GRID2: variants seen among roughly 807,000 people sequenced by gnomAD.
The protein encoded by GRID2 is glutamate receptor ionotropic, delta-2.
GRID2 carries 33 observed loss-of-function variants against 114.8 expected under a neutral mutation model. The observed-to-expected ratio is 0.29, with a 90% confidence interval of 0.22 to 0.38. The LOEUF is 0.38. GRID2 is among the 10% of genes least tolerant of loss of function. The pLI, the probability that GRID2 is intolerant of heterozygous loss-of-function variation, is 1.00. For missense variants in GRID2, 1,184 were observed against 1,257.7 expected, an observed-to-expected ratio of 0.94 and a Z score of 0.89; for synonymous variants, 505 against 449.9, an observed-to-expected ratio of 1.12 and a Z score of -1.55.
chr4:92,566,916 A>G (rs2149187917), intron 1 of GRID2, among the ~76,000 whole-genome samples: 1 of 151,970 alleles, frequency 6.6e-6, no homozygotes, highest in East Asian at 1.9e-4. Context: ...TGAATCTTAT[A>G]TCCCCGTTTC....
At chr4:93,074,802 GA>G (rs922595804) in intron 2 of GRID2, among the ~76,000 whole-genome samples, 42 of 152,256 alleles carry the variant, frequency 2.8e-4, no homozygotes, top group African/African-American at 9.9e-4. Flanking sequence ...CGTATAAAGA[GA>G]GCTGACATCA....
chr4:92,449,124 C>A (rs1027401761), intron 1 of GRID2, among the ~76,000 whole-genome samples: 7 of 152,022 alleles, frequency 4.6e-5, no homozygotes, highest in African/African-American at 9.7e-5. Context: ...ATGGCTTACT[C>A]TTGGGTTTTG....
chr4:93,005,141 G>GA (rs1721378155), intron 2 of GRID2, among the ~76,000 whole-genome samples: 1 of 152,062 alleles, frequency 6.6e-6, no homozygotes, highest in Non-Finnish European at 1.5e-5. Flanking sequence ...AGAATAGACA[G>GA]AATAGACAGT....
At chr4:93,307,972 C>T (rs1450450427) in intron 8 of GRID2, among the ~76,000 whole-genome samples, 5 of 151,286 alleles carry the variant, frequency 3.3e-5, no homozygotes, top group Admixed American at 1.3e-4. Context: ...TTACCAGAGG[C>T]CTGTTCATAT....
intron 2 of GRID2, among the ~76,000 whole-genome samples, chr4:92,880,387 AT>A (rs1048885128): frequency 1.6e-4 from 25 of 152,068 alleles, no homozygotes; most frequent in Non-Finnish European, 2.1e-4. Context: ...AGTCCATAAT[AT>A]TTTTTTTCTC....
chr4:92,938,576 T>A lies in GRID2; in HGVS notation c.245-146419T>A, dbSNP rs546767710. 1.0e-4 allele frequency among the ~76,000 whole-genome samples: 15 copies of A among 146,802 alleles called. 2 individuals carry two copies. The highest frequency in any genetic ancestry group is 1.5e-4 in the African/African-American group (6 of 41,290). ...ATTAATGTCAATATTTCTTTTTTTTTATTATACTTTAAGTTTTAGGGTACA... is the reference window on the plus strand; with the variant it reads ...ATTAATGTCAATATTTCTTTTTTTTAATTATACTTTAAGTTTTAGGGTACA... On this transcript the variant is annotated intron_variant, in intron 2 of 15. Coordinates refer to ENST00000282020, the MANE Select transcript of GRID2 (RefSeq NM_001510.4).
At chr4:92,884,130 A>G (rs914634980) in intron 2 of GRID2, among the ~76,000 whole-genome samples, 1 of 152,226 alleles carries the variant, frequency 6.6e-6, no homozygotes, top group Non-Finnish European at 1.5e-5. Context: ...CAGCTTCTAC[A>G]TCAGCACCTG....
intron 11 of GRID2, among the ~76,000 whole-genome samples, chr4:93,489,745 T>C (rs1371316724): frequency 6.6e-6 from 1 of 151,924 alleles, no homozygotes; most frequent in Non-Finnish European, 1.5e-5. Context: ...ATTTTTGGTC[T>C]AAGAAATAAA....
At chr4:92,899,802 A>G (rs1747440817) in intron 2 of GRID2, among the ~76,000 whole-genome samples, 1 of 152,220 alleles carries the variant, frequency 6.6e-6, no homozygotes, top group Non-Finnish European at 1.5e-5. Flanking sequence ...GAACAATAAT[A>G]GCAATAAACA....
chr4:92,709,331 A>T (rs1009181204), intron 2 of GRID2, among the ~76,000 whole-genome samples: 1 of 152,050 alleles, frequency 6.6e-6, no homozygotes, highest in Non-Finnish European at 1.5e-5. Flanking sequence ...ATTTAATAAC[A>T]ACATTCTGCC....
intron 2 of GRID2, among the ~76,000 whole-genome samples, chr4:92,792,467 A>G (rs1202612081): frequency 1.4e-5 from 2 of 143,670 alleles, no homozygotes; most frequent in Non-Finnish European, 3.1e-5. Context: ...ACACACACAC[A>G]CACACACACA....
At chr4:93,754,777 T>A (rs1308152544) in intron 14 of GRID2, among the ~76,000 whole-genome samples, 2 of 152,204 alleles carry the variant, frequency 1.3e-5, no homozygotes, top group African/African-American at 4.8e-5. Context: ...TCATAAAGGT[T>A]TAAAACAGAT....
intron 8 of GRID2, among the ~76,000 whole-genome samples, chr4:93,270,476 A>G (rs565857128): frequency 5.9e-5 from 9 of 152,316 alleles, no homozygotes; most frequent in African/African-American, 1.9e-4. Context: ...TTTGGAGAAG[A>G]CTTCTCTGTA....
chr4:93,743,446 G>A (rs1426072119), intron 14 of GRID2, among the ~76,000 whole-genome samples: 1 of 152,116 alleles, frequency 6.6e-6, no homozygotes, highest in Non-Finnish European at 1.5e-5. Flanking sequence ...GTTTTGCTTT[G>A]CTATAAAGAA....
intron 2 of GRID2, among the ~76,000 whole-genome samples, chr4:92,688,559 T>G (rs1349959128): frequency 6.6e-6 from 1 of 152,224 alleles, no homozygotes; most frequent in Non-Finnish European, 1.5e-5. Context: ...AACCATTGTT[T>G]CCTTTTTTTG....
In GRID2 at chr4:93,773,599, C is replaced by A. The variant is rs1025973682; in HGVS notation, c.*1101C>A. The A allele has an allele frequency of 3.3e-5, 5 of 152,044 alleles. No homozygotes were observed. The highest frequency in any genetic ancestry group is 6.5e-5 in the Admixed American group (1 of 15,272). 9.4% of individuals were successfully genotyped at this position (152,044 alleles called of 1,614,324 possible). ...GCTATTAGCTGAACCACATCCACAACAGCACATAGAGCTCTAGAAGAGTTG... is the reference window on the plus strand; with the variant it reads ...GCTATTAGCTGAACCACATCCACAAAAGCACATAGAGCTCTAGAAGAGTTG... On this transcript the variant is annotated 3_prime_UTR_variant, in exon 16 of 16. Transcript: ENST00000282020.
At chr4:92,530,003 T>C (rs897975577) in intron 1 of GRID2, among the ~76,000 whole-genome samples, 2 of 151,490 alleles carry the variant, frequency 1.3e-5, no homozygotes, top group Non-Finnish European at 2.9e-5. Context: ...AGTATATGTA[T>C]AGAGTGTGAA....
In GRID2 at chr4:93,765,610, ATATATATATATATATATATATATGAGGC is replaced by A. The variant is rs1733598323; in HGVS notation, c.2361-3599_2361-3572del. Among the ~76,000 whole-genome samples, 4 of 143,984 alleles carry A rather than the reference ATATATATATATATATATATATATGAGGC, an allele frequency of 2.8e-5. No individual in the cohort carries two copies. The East Asian group carries it at 8.1e-4, about 29-fold the overall frequency. The allele number at this position is 143,984 out of a possible 152,430, so 94.5% of individuals were successfully genotyped here. ...TTAGAATTTAAATAGGTGAGGTATT[ATATATATATATATATATATATATGAGGC>A]ATATATATATATTTCAATAATGATT... On this transcript the variant is annotated intron_variant, in intron 14 of 15. Coordinates refer to ENST00000282020, the MANE Select transcript of GRID2 (RefSeq NM_001510.4).
At chr4:93,404,713 G>A (rs529682435) in intron 9 of GRID2, among the ~76,000 whole-genome samples, 1 of 152,154 alleles carries the variant, frequency 6.6e-6, no homozygotes, top group South Asian at 2.1e-4. Context: ...TATGGGTAAG[G>A]CAGTCGGCAA....
Sources: gnomAD v4.1 joint callset for allele counts (sites outside exome capture counted in the v4.1 genomes callset) on GRCh38, gnomAD v4.1.1 for gene constraint, MANE v1.5 for transcripts, NCBI Gene and HGNC (gene_info 2026-07-23, HGNC 2026-07-21) for gene names.